The following MAST2 variants were observed in gnomAD, a reference collection of about 807,000 sequenced individuals.
The protein encoded by MAST2 is microtubule associated serine/threonine kinase 2.
MAST2 carries 70 observed loss-of-function variants against 147.4 expected under a neutral mutation model. The ratio of observed to expected loss-of-function variants is 0.47; its 90% confidence interval spans 0.39 to 0.58. MAST2 has a LOEUF of 0.58. Ranked by LOEUF, MAST2 falls within the 20% of genes least tolerant of loss-of-function variation. The probability of loss-of-function intolerance (pLI) is 0.00; values close to 1 mark genes in which losing one functional copy is unlikely to be tolerated. For synonymous variants in MAST2, 869 were observed against 896.8 expected (o/e 0.97, Z 0.55); for missense variants, 2,080 against 2,302.3 (o/e 0.90, Z 1.98).
intron 4 of MAST2, among the ~76,000 whole-genome samples, chr1:45,919,104 C>A (rs1289136085): frequency 6.6e-6 from 1 of 152,038 alleles, no homozygotes; most frequent in Non-Finnish European, 1.5e-5. Context: ...GCCTTGGAGC[C>A]AGACCTTGTC....
At chr1:45,847,705 A>C (rs1570355913) in intron 3 of MAST2, 1 of 278,852 alleles carries the variant, frequency 3.6e-6, no homozygotes, top group Non-Finnish European at 7.2e-6. Flanking sequence ...CCCGTGCCAA[A>C]TCCCCCTGGG....
rs201604806 is a variant in MAST2, at chr1:46,017,554, A to G, written c.1189-2042A>G. 6.6e-5 allele frequency among the ~76,000 whole-genome samples: 10 copies of G among 152,150 alleles called. No homozygotes were observed. In the East Asian group the frequency reaches 7.7e-4, roughly 12 times the overall value. ...AAAGAAGACATTTATGCAGCCAAAAAACACATGAAAAAATGCTCACCATCA... is the reference window on the plus strand; with the variant it reads ...AAAGAAGACATTTATGCAGCCAAAAGACACATGAAAAAATGCTCACCATCA... On this transcript the variant is annotated intron_variant, in intron 10 of 28. Coordinates refer to ENST00000361297, the MANE Select transcript of MAST2 (RefSeq NM_015112.3).
At chr1:46,003,433 AATT>A (rs1206269953) in intron 7 of MAST2, among the ~76,000 whole-genome samples, 5 of 152,142 alleles carry the variant, frequency 3.3e-5, no homozygotes, top group Non-Finnish European at 5.9e-5. Context: ...GAGCTGTACT[AATT>A]GCTGCTATGC....
chr1:45,924,961 T>C (rs1035277140), intron 4 of MAST2, among the ~76,000 whole-genome samples: 10 of 152,202 alleles, frequency 6.6e-5, no homozygotes, highest in African/African-American at 2.4e-4. Context: ...GCCTGAACTA[T>C]GAGGAAATAA....
At chr1:45,941,209 A>G (rs1187141799) in intron 4 of MAST2, among the ~76,000 whole-genome samples, 1 of 152,170 alleles carries the variant, frequency 6.6e-6, no homozygotes, top group Non-Finnish European at 1.5e-5. Flanking sequence ...ATTTGGTGAC[A>G]TGACCAAACT....
At chr1:45,924,262 A>C (rs1051803571) in intron 4 of MAST2, among the ~76,000 whole-genome samples, 3 of 152,166 alleles carry the variant, frequency 2.0e-5, no homozygotes, top group Non-Finnish European at 4.4e-5. Context: ...TCTGTACTCA[A>C]ATTCACAGTC....
intron 3 of MAST2, among the ~76,000 whole-genome samples, chr1:45,830,181 CTT>C (rs11407885): frequency 6.5e-5 from 7 of 108,248 alleles, no homozygotes; most frequent in Non-Finnish European, 7.1e-5. Flanking sequence ...TTAATTGAAT[CTT>C]TTTTTTTTTT....
intron 3 of MAST2, among the ~76,000 whole-genome samples, chr1:45,849,216 G>A (rs545405040): frequency 9.7e-4 from 148 of 152,184 alleles, no homozygotes; most frequent in Non-Finnish European, 1.2e-3. Context: ...ATTCTTCACA[G>A]AACTAGAAAA....
chr1:45,862,703 C>T (rs1646022220), intron 3 of MAST2, among the ~76,000 whole-genome samples: 1 of 152,112 alleles, frequency 6.6e-6, no homozygotes, highest in South Asian at 2.1e-4. Flanking sequence ...CTCCTGACCT[C>T]AGATGATCCA....
intron 26 of MAST2, among the ~76,000 whole-genome samples, chr1:46,033,044 C>T (rs953780046): frequency 2.6e-5 from 4 of 151,254 alleles, no homozygotes; most frequent in East Asian, 3.9e-4. Context: ...TTTGGGAGGC[C>T]GAGGCGGGTG....
intron 4 of MAST2, among the ~76,000 whole-genome samples, chr1:45,948,706 C>CCCAAAAAAAA (rs1658470297): frequency 2.5e-5 from 1 of 40,238 alleles, no homozygotes; most frequent in Non-Finnish European, 4.0e-5. Flanking sequence ...GACTCCATCT[C>CCCAAAAAAAA]AAAAAAAAAA....
At chr1:45,863,672 C>T (rs1646052928) in intron 3 of MAST2, among the ~76,000 whole-genome samples, 1 of 152,190 alleles carries the variant, frequency 6.6e-6, no homozygotes, top group South Asian at 2.1e-4. Context: ...GGAGGGACTG[C>T]TTTTCTTCCT....
chr1:46,002,664 TG>T (rs1645319292), intron 6 of MAST2, 140 bp from the exon 7 acceptor site: 1 of 669,068 alleles, frequency 1.5e-6, no homozygotes, highest in African/African-American at 1.8e-5. Flanking sequence ...TATAAAAGCA[TG>T]TACTGGACTG....
rs776215300 is a variant in MAST2, at chr1:46,035,236, T to C, written c.4567T>C (p.Leu1523=). Residue 1523 remains leucine (L), a synonymous_variant, in exon 29 of 29, where the codon TTG becomes CTG. Transcript: ENST00000361297. This position sits in a 1 kb window ranked among gnomAD's most constrained non-coding sequence, Gnocchi z 5.5. ...ENSQGAQELS[L]APHPEVSQSV... is the part of the protein sequence containing the mutation. ...CAGCCAGGGTGCACAGGAGCTGAGC[T>C]TGGCACCTCACCCAGAAGTGAGCCA... 11 of 1,613,860 alleles carry C rather than the reference T, an allele frequency of 6.8e-6. No homozygotes were observed. In the South Asian group the frequency reaches 1.1e-4, roughly 16 times the overall value.
intron 4 of MAST2, among the ~76,000 whole-genome samples, chr1:45,942,266 A>G (rs2148808968): frequency 6.6e-6 from 1 of 152,310 alleles, no homozygotes; most frequent in East Asian, 1.9e-4. Context: ...AATCAAAATT[A>G]CAGTAATGTT....
chr1:45,823,846 C>A (rs1210311325), intron 1 of MAST2, among the ~76,000 whole-genome samples: 1 of 152,070 alleles, frequency 6.6e-6, no homozygotes, highest in East Asian at 1.9e-4. Flanking sequence ...TTGGACACTG[C>A]TTACTGAATG....
intron 5 of MAST2, among the ~76,000 whole-genome samples, chr1:45,982,999 T>A (rs1395572196): frequency 6.6e-6 from 1 of 152,182 alleles, no homozygotes; most frequent in African/African-American, 2.4e-5. Flanking sequence ...TTGCTTGCAG[T>A]TGGTGGGAAT....
At chr1:45,846,424 C>T (rs991656566) in intron 3 of MAST2, among the ~76,000 whole-genome samples, 1 of 151,950 alleles carries the variant, frequency 6.6e-6, no homozygotes, top group African/African-American at 2.4e-5. Flanking sequence ...TTATATTGCT[C>T]CCCCCGGCCT....
At chr1:45,955,364 T>A (rs1659507849) in intron 4 of MAST2, among the ~76,000 whole-genome samples, 1 of 152,078 alleles carries the variant, frequency 6.6e-6, no homozygotes, top group Non-Finnish European at 1.5e-5. Context: ...ACAAAGCAAA[T>A]CCCTGCAAAT....
Sources: gnomAD v4.1 joint callset for allele counts (sites outside exome capture counted in the v4.1 genomes callset) on GRCh38, gnomAD v4.1.1 for gene constraint, Gnocchi (gnomAD v3.1) non-coding constraint, MANE v1.5 for transcripts, NCBI Gene and HGNC (gene_info 2026-07-23, HGNC 2026-07-21) for gene names.